The following CDK10 variants were observed in gnomAD, a reference collection of about 807,000 sequenced individuals.
The protein encoded by CDK10 is cyclin-dependent kinase 10.
A neutral mutation model predicts 51.0 loss-of-function variants in CDK10; 55 were observed. That is an observed-to-expected ratio of 1.08 (90% CI 0.87 to 1.35). The LOEUF is 1.35. Among genes scored for constraint, CDK10 ranks in the 40% most tolerant of loss-of-function variants. The pLI is 0.00. For missense variants in CDK10, 589 were observed against 485.1 expected (o/e 1.21, Z -2.01); for synonymous variants, 255 against 199.1 (o/e 1.28, Z -2.36).
Position 89,694,734 on chromosome 16 carries a change from C to A in CDK10, c.738C>A (p.His246Gln), listed in dbSNP as rs539375824. ...TTCTCCCCGGCACTTCCGAGATCCA[C>A]CAGATCGACTTGATCGTGCAGCTGC... is the stretch of plus-strand genomic sequence containing the variant. Reference protein sequence around the residue: ...RPLLPGTSEIHQIDLIVQLLG... With the variant: ...RPLLPGTSEIQQIDLIVQLLG... Residue 246 changes from histidine (H) to glutamine (Q), a missense_variant, in exon 10 of 13, where the codon CAC becomes CAA. Transcript: ENST00000353379. 6.3e-7 allele frequency: 1 copy of A among 1,578,610 alleles called. No homozygotes were observed. The highest frequency in any genetic ancestry group is 8.6e-7 in the Non-Finnish European group (1 of 1,162,970).
chr16:89,691,787 C>T lies in CDK10; in HGVS notation c.336-19C>T, dbSNP rs766998177. On this transcript the variant is annotated intron_variant, in intron 4 of 12. Coordinates refer to ENST00000353379, the MANE Select transcript of CDK10 (RefSeq NM_052988.5). The stretch of plus-strand genomic sequence containing the variant: ...TAGGAGAAGGCCGGAGAGTGGCATG[C>T]ATCTTCTGTTTCTTCCAGCATCTTC... The T allele has an allele frequency of 1.9e-6, 3 of 1,609,768 alleles. No homozygotes were observed. In the African/African-American group the frequency reaches 4.0e-5, roughly 22 times the overall value.
chr16:89,689,994 G>A (rs1449948923), intron 2 of CDK10: 3 of 152,490 alleles, frequency 2.0e-5, no homozygotes, highest in African/African-American at 7.4e-5. Flanking sequence ...AAGCCTAGGA[G>A]TTTGAGGCTG....
Position 89,688,424 on chromosome 16 carries a change from C to T in CDK10, c.88-828C>T, listed in dbSNP as rs565140346. Reference sequence around the variant, plus strand: ...TCCATGGAGAAGGATACAGACTCTACTAGTTCAGAGACCCCAAAATACAGG... The same window carrying T: ...TCCATGGAGAAGGATACAGACTCTATTAGTTCAGAGACCCCAAAATACAGG... On this transcript the variant is annotated intron_variant, in intron 1 of 12. Transcript: ENST00000353379. Among the ~76,000 whole-genome samples, 3 of 152,256 alleles carry T rather than the reference C, an allele frequency of 2.0e-5. No homozygotes were observed. The South Asian group carries it at 6.2e-4, about 32-fold the overall frequency.
intron 4 of CDK10, 53 bp downstream of exon 4, chr16:89,691,598 C>A: frequency 6.7e-7 from 1 of 1,485,206 alleles, no homozygotes; most frequent in Non-Finnish European, 9.3e-7. Flanking sequence ...GTGTCTTGGG[C>A]TAGAGGTGTT....
intron 11 of CDK10, 104 bp from the exon 12 acceptor site, chr16:89,695,189 G>A (rs1254359674): frequency 1.3e-6 from 2 of 1,536,286 alleles, no homozygotes; most frequent in East Asian, 2.3e-5. Context: ...GCTCGGAGTG[G>A]CCACCTGGCT....
intron 10 of CDK10, 64 bp from the exon 11 acceptor site, chr16:89,694,867 C>T: frequency 1.9e-6 from 3 of 1,566,710 alleles, no homozygotes; most frequent in Non-Finnish European, 2.6e-6. Context: ...GTGCCCACGC[C>T]CTCTGCGCCC....
chr16:89,694,670 T>TGGGCTGC lies in CDK10; in HGVS notation c.675_681dup (p.Ile228GlyfsTer35). On this transcript the variant is annotated frameshift_variant, in exon 10 of 13. Transcript: ENST00000353379. LOFTEE classifies it high-confidence loss of function. ...AGGTCCACTGTTCTCTGCAGGGCTG[T>TGGGCTGC]GGGCTGCATACTGGCCGAGCTGCTG... 6.3e-7 allele frequency: 1 copy of TGGGCTGC among 1,589,516 alleles called. No individual in the cohort carries two copies. The highest frequency in any genetic ancestry group is 8.6e-7 in the Non-Finnish European group (1 of 1,169,046).
Position 89,695,479 on chromosome 16 carries a change from T to C in CDK10, c.986-116T>C, listed in dbSNP as rs1597880575. 5 of 1,458,150 alleles carry C rather than the reference T, an allele frequency of 3.4e-6. 1 individual carries two copies. The South Asian group carries it at 5.9e-5, about 17-fold the overall frequency. 90.3% of individuals were successfully genotyped at this position (1,458,150 alleles called of 1,614,324 possible). On this transcript the variant is annotated intron_variant, in intron 12 of 12. Transcript: ENST00000353379. ...TTTCTGGGGTAAGAGGACAGGGGCA[T>C]GTGGAGGCACAGACAGCCCAGGGCC...
intron 9 of CDK10, 54 bp from the exon 10 acceptor site, chr16:89,694,611 C>T (rs774020175): frequency 5.8e-6 from 9 of 1,557,718 alleles, no homozygotes; most frequent in South Asian, 3.5e-5. Context: ...CTGTTCCTCG[C>T]GCTGGCGGGG....
rs750731471 is a variant in CDK10 at position 89,686,779 on chromosome 16, G to C, written c.69G>C (p.Thr23=). ...LKCIRKEGFF[T]VPPEHRLGRC... ...GTATTCGTAAGGAGGGCTTCTTCAC[G>C]GTGCCTCCGGAACACAGGGTGCGCG... is the stretch of plus-strand genomic sequence containing the variant. The change falls in exon 1 of 13, where the codon ACG becomes ACC. Residue 23 remains threonine, a synonymous_variant. Transcript: ENST00000353379. 1.9e-6 allele frequency: 3 copies of C among 1,611,882 alleles called. No individual in the cohort carries two copies. Among genetic ancestry groups the C allele is most frequent in the Non-Finnish European group, 1.7e-6 (2 of 1,179,036 alleles).
rs374860740 is a variant in CDK10 at position 89,686,850 on chromosome 16, C to A, written c.87+53C>A. ...TGCCCGCCTCGCTAGCGGCACTGCC[C>A]GGCTGGGTCTGGGGAGCCTCGTGTC... is the stretch of plus-strand genomic sequence containing the variant. On this transcript the variant is annotated intron_variant, in intron 1 of 12. Coordinates refer to ENST00000353379, the MANE Select transcript of CDK10 (RefSeq NM_052988.5). The A allele has an allele frequency of 3.9e-4, 583 of 1,497,786 alleles. 2 individuals are homozygous for A. The highest frequency in any genetic ancestry group is 4.8e-4 in the Non-Finnish European group (518 of 1,087,636). 92.8% of individuals were successfully genotyped at this position (1,497,786 alleles called of 1,614,324 possible). A position where few individuals can be genotyped will look rare whatever the true frequency, so the allele number is the denominator to read the frequency against.
Position 89,694,172 on chromosome 16 carries a change from G to A in CDK10, c.609-1G>A, listed in dbSNP as rs767176610. ...ATTGAGGTGGGTGCTTCTGTGTGTA[G>A]GTACCGAGCCCCTGAACTGCTGTTG... On this transcript the variant is annotated splice_acceptor_variant, in intron 8 of 12. Transcript: ENST00000353379. LOFTEE classifies it high-confidence loss of function. 47 of 1,613,898 alleles carry A rather than the reference G, an allele frequency of 2.9e-5. No individual in the cohort carries two copies. The highest frequency in any genetic ancestry group is 3.8e-5 in the Non-Finnish European group (45 of 1,179,980).
In CDK10 at chr16:89,694,404, G is replaced by A. The variant is rs988800502; in HGVS notation, c.668+172G>A. ...AGCCTGGAAACCCAGGAGGAGGTGTGAGAACTTAGCTTGCTGTTCTCAGGC... is the reference window on the plus strand; with the variant it reads ...AGCCTGGAAACCCAGGAGGAGGTGTAAGAACTTAGCTTGCTGTTCTCAGGC... On this transcript the variant is annotated intron_variant, in intron 9 of 12. Transcript: ENST00000353379. 1.0e-5 allele frequency: 9 copies of A among 865,114 alleles called. No individual in the cohort carries two copies. In the African/African-American group the frequency reaches 1.2e-4, roughly 11 times the overall value. 53.6% of individuals were successfully genotyped at this position (865,114 alleles called of 1,614,324 possible).
chr16:89,694,612 G>A (rs1183747975), intron 9 of CDK10, 53 bp from the exon 10 acceptor site: 11 of 1,556,662 alleles, frequency 7.1e-6, no homozygotes, highest in African/African-American at 1.4e-5. Context: ...TGTTCCTCGC[G>A]CTGGCGGGGT....
intron 2 of CDK10, chr16:89,690,293 A>T (rs1202961914): frequency 1.2e-5 from 6 of 517,084 alleles, no homozygotes; most frequent in Non-Finnish European, 2.1e-5. Context: ...CTGGAGCCAC[A>T]GAACTGAGTG....
At chr16:89,693,574 T>C (rs1408001090) in intron 8 of CDK10, 107 bp downstream of exon 8, 12 of 1,123,206 alleles carry the variant, frequency 1.1e-5, no homozygotes, top group Non-Finnish European at 1.6e-5. Context: ...AATGTTAAGC[T>C]ACAGGGTCTG....
At chr16:89,687,587 A>C (rs1232860589) in intron 1 of CDK10, 7 of 450,364 alleles carry the variant, frequency 1.6e-5, no homozygotes, top group Non-Finnish European at 3.1e-5. Context: ...TTTTTGAGAC[A>C]GGGTCTAGCG....
At chr16:89,690,755 G>C (rs1367837520) in intron 3 of CDK10, 131 bp downstream of exon 3, 2 of 782,080 alleles carry the variant, frequency 2.6e-6, no homozygotes, top group African/African-American at 1.7e-5. Flanking sequence ...GTTCTGGTGT[G>C]GCCCAGCACA....
At chr16:89,694,880 AGCCCCCGCCCGTGCCCACGCCCTCTGCG>A in intron 10 of CDK10, 23 bp from the exon 11 acceptor site, 6 of 1,265,792 alleles carry the variant, frequency 4.7e-6, no homozygotes, top group Non-Finnish European at 6.2e-6. Context: ...CTGCGCCCGC[AGCCCCCGCCCGTGCCCACGCCCTCTGCG>A]CCTCAGCTCC....
Sources: gnomAD v4.1 joint callset for allele counts (sites outside exome capture counted in the v4.1 genomes callset) on GRCh38, gnomAD v4.1.1 for gene constraint, MANE v1.5 for transcripts, NCBI Gene and HGNC (gene_info 2026-07-23, HGNC 2026-07-21) for gene names.